NGLY1: variants seen among roughly 807,000 people sequenced by gnomAD.
The protein encoded by NGLY1 is N-glycanase 1, also known as peptide-N(4)-(N-acetyl-beta-glucosaminyl)asparagine amidase.
In NGLY1, 68 loss-of-function variants were observed where a neutral mutation model predicts 84.6. The ratio of observed to expected loss-of-function variants is 0.80; its 90% confidence interval spans 0.66 to 0.98. The LOEUF (loss-of-function observed/expected upper bound fraction) is 0.98, where lower values mean the gene tolerates loss of function less well. Among genes scored for constraint, NGLY1 ranks in the 50% least tolerant of loss-of-function variants. NGLY1 has a pLI of 0.00. For synonymous variants in NGLY1, 280 were observed against 275.2 expected, an observed-to-expected ratio of 1.02 and a Z score of -0.17; for missense variants, 779 against 770.2, an observed-to-expected ratio of 1.01 and a Z score of -0.14.
At chr3:25,780,971 G>A (rs1708386877) in intron 1 of NGLY1, among the ~76,000 whole-genome samples, 1 of 151,964 alleles carries the variant, frequency 6.6e-6, no homozygotes, top group South Asian at 2.1e-4. Context: ...AGTTTCTAGT[G>A]AGCATTTTTT....
intron 10 of NGLY1, among the ~76,000 whole-genome samples, chr3:25,722,274 CATATAT>C (rs1553650650): frequency 6.7e-6 from 1 of 148,622 alleles, no homozygotes; most frequent in African/African-American, 2.5e-5. Context: ...TGTATACACA[CATATAT>C]ATATATATAT....
At chr3:25,755,213 C>G in intron 3 of NGLY1, 1 of 1,367,922 alleles carries the variant, frequency 7.3e-7, no homozygotes, top group Non-Finnish European at 1.0e-6. Context: ...TATTGCAAGG[C>G]AGAAAAATCA....
intron 9 of NGLY1, chr3:25,730,694 C>T (rs952325669): frequency 1.4e-4 from 22 of 152,064 alleles, no homozygotes; most frequent in African/African-American, 5.3e-4. Flanking sequence ...CCGCTACAGA[C>T]GATGGGATAA....
intron 4 of NGLY1, among the ~76,000 whole-genome samples, 183 bp downstream of exon 4, chr3:25,750,915 A>G (rs1198069322): frequency 6.6e-6 from 1 of 152,164 alleles, no homozygotes; most frequent in Non-Finnish European, 1.5e-5. Flanking sequence ...GTATATAAAG[A>G]GTTGACCCTC....
chr3:25,737,324 C>T lies in NGLY1; in HGVS notation c.1003+10G>A, dbSNP rs1705880778. 6.2e-7 allele frequency: 1 copy of T among 1,601,822 alleles called. No homozygotes were observed. ...GCCCTACTACCCTCTGCTCATTCCACATTCTGTACCTGTGTAATCCCAAAC... is the reference window on the plus strand; with the variant it reads ...GCCCTACTACCCTCTGCTCATTCCATATTCTGTACCTGTGTAATCCCAAAC... On this transcript the variant is annotated intron_variant, in intron 6 of 11. Transcript: ENST00000280700.
rs746384389 is a variant in NGLY1 at position 25,720,235 on chromosome 3, T to C, written c.1612-44A>G. 6 of 1,497,380 alleles carry C rather than the reference T, an allele frequency of 4.0e-6. No individual in the cohort carries two copies. The South Asian group carries it at 7.2e-5, about 18-fold the overall frequency. 92.8% of individuals were successfully genotyped at this position (1,497,380 alleles called of 1,614,324 possible). On this transcript the variant is annotated intron_variant, in intron 10 of 11. Transcript: ENST00000280700. ...GGGAGAAAGGAACTGTCAGAAAAAATGAAATAGTATAGAAAACAAACTTAG... is the reference window on the plus strand; with the variant it reads ...GGGAGAAAGGAACTGTCAGAAAAAACGAAATAGTATAGAAAACAAACTTAG...
At chr3:25,739,908 A>T in intron 4 of NGLY1, 109 bp from the exon 5 acceptor site, 1 of 843,590 alleles carries the variant, frequency 1.2e-6, no homozygotes, top group Admixed American at 2.9e-5. Flanking sequence ...ACATAAGATG[A>T]TTTTAAGGTT....
intron 2 of NGLY1, among the ~76,000 whole-genome samples, chr3:25,772,449 G>C (rs954764390): frequency 6.6e-6 from 1 of 152,102 alleles, no homozygotes; most frequent in Non-Finnish European, 1.5e-5. Context: ...TTTTGTCTAA[G>C]AATAGTTACT....
intron 3 of NGLY1, among the ~76,000 whole-genome samples, chr3:25,760,002 T>C (rs1308796250): frequency 2.0e-5 from 3 of 152,052 alleles, no homozygotes; most frequent in Non-Finnish European, 2.9e-5. Context: ...CCCTTTATTT[T>C]GAGGCTTTAA....
At chr3:25,755,327 G>C in intron 3 of NGLY1, 1 of 1,351,188 alleles carries the variant, frequency 7.4e-7, no homozygotes, top group Non-Finnish European at 1.1e-6. Context: ...AATTAAAAAG[G>C]GACCTAACCA....
chr3:25,736,787 C>CT (rs1705846377), intron 6 of NGLY1: 1 of 167,152 alleles, frequency 6.0e-6, no homozygotes, highest in African/African-American at 2.4e-5. Context: ...ATGAAGATTT[C>CT]TATGGTACAT....
chr3:25,781,994 G>A (rs1043640323), intron 1 of NGLY1, among the ~76,000 whole-genome samples: 9 of 152,178 alleles, frequency 5.9e-5, no homozygotes, highest in Non-Finnish European at 1.3e-4. Flanking sequence ...GTGAAGAGCT[G>A]TAAGGCCTCA....
chr3:25,748,037 C>G (rs1405956901), intron 4 of NGLY1, among the ~76,000 whole-genome samples: 1 of 152,090 alleles, frequency 6.6e-6, no homozygotes, highest in Non-Finnish European at 1.5e-5. Context: ...GTGTTCTTCA[C>G]AATTAAGGCC....
At chr3:25,738,265 C>T (rs1705942829) in intron 5 of NGLY1, among the ~76,000 whole-genome samples, 1 of 152,128 alleles carries the variant, frequency 6.6e-6, no homozygotes, top group Admixed American at 6.5e-5. Flanking sequence ...TATTATCTTT[C>T]TTTCTAATAA....
intron 8 of NGLY1, among the ~76,000 whole-genome samples, chr3:25,732,921 G>A (rs1705613814): frequency 6.6e-6 from 1 of 152,172 alleles, no homozygotes; most frequent in African/African-American, 2.4e-5. Flanking sequence ...AAGATTCCAA[G>A]AGAAGAAAAG....
chr3:25,777,214 G>A (rs1398439611), intron 2 of NGLY1, among the ~76,000 whole-genome samples: 1 of 152,124 alleles, frequency 6.6e-6, no homozygotes, highest in African/African-American at 2.4e-5. Context: ...TGACCAACAT[G>A]GAGAAATCCC....
At chr3:25,736,513 G>C (rs941217952) in intron 6 of NGLY1, 1 of 738,474 alleles carries the variant, frequency 1.4e-6, no homozygotes, top group Admixed American at 3.0e-5. Context: ...TGGACTTTAA[G>C]GCCCAGAACC....
intron 1 of NGLY1, among the ~76,000 whole-genome samples, chr3:25,782,432 A>G (rs1467207378): frequency 6.6e-6 from 1 of 151,992 alleles, no homozygotes; most frequent in Non-Finnish European, 1.5e-5. Context: ...CTACCCCCCC[A>G]CACCATGTCC....
chr3:25,785,833 G>A (rs111907573), upstream of NGLY1, among the ~76,000 whole-genome samples: 4 of 152,272 alleles, frequency 2.6e-5, no homozygotes, highest in African/African-American at 7.2e-5. Context: ...TTTTGTGGGG[G>A]AACAAAATGA....
Sources: allele counts gnomAD v4.1 joint callset (sites outside exome capture counted in the v4.1 genomes callset), GRCh38; gene constraint gnomAD v4.1.1; transcripts MANE v1.5; gene names NCBI Gene and HGNC (gene_info 2026-07-23, HGNC 2026-07-21).